PCSK5: variants seen among roughly 807,000 people sequenced by gnomAD.
PCSK5 encodes the protein proprotein convertase subtilisin/kexin type 5.
Under a neutral mutation model 233.2 loss-of-function variants are expected in PCSK5, and 129 were observed. The ratio of observed to expected loss-of-function variants is 0.55; its 90% CI spans 0.48 to 0.64. The LOEUF is 0.64. PCSK5 is among the 30% of genes least tolerant of loss of function. The probability of loss-of-function intolerance (pLI) is 0.00; values close to 1 mark genes in which losing one functional copy is unlikely to be tolerated. For synonymous variants in PCSK5, 825 were observed against 879.2 expected, an observed-to-expected ratio of 0.94 and a Z score of 1.09; for missense variants, 2,076 against 2,430.1, an observed-to-expected ratio of 0.85 and a Z score of 3.06.
intron 20 of PCSK5, among the ~76,000 whole-genome samples, chr9:76,209,234 CTTTCT>C (rs1395939597): frequency 2.6e-5 from 4 of 152,170 alleles, no homozygotes; most frequent in African/African-American, 7.2e-5. Context: ...ATGTACACAC[CTTTCT>C]TTTGAGTTAT....
chr9:76,061,056 A>C (rs1830011295), intron 5 of PCSK5, among the ~76,000 whole-genome samples: 1 of 152,194 alleles, frequency 6.6e-6, no homozygotes, highest in African/African-American at 2.4e-5. Context: ...AGAGCCATTC[A>C]GTGTTAGTAC....
In PCSK5 at chr9:76,157,207, G is replaced by C; in HGVS notation, c.1430+45G>C. The C allele has an allele frequency of 2.3e-6, 3 of 1,281,506 alleles. No individual in the cohort carries two copies. In the South Asian group the frequency reaches 3.6e-5, roughly 15 times the overall value. The allele number at this position is 1,281,506 out of a possible 1,614,324, so 79.4% of individuals were successfully genotyped here. ...AACAGCATGACAATGCCCCAAAATAGAGCAAGCCAGTCAATTGCTCAAGAC... is the reference window on the plus strand; with the variant it reads ...AACAGCATGACAATGCCCCAAAATACAGCAAGCCAGTCAATTGCTCAAGAC... On this transcript the variant is annotated intron_variant, in intron 11 of 37. Transcript: ENST00000674117.
At chr9:76,296,245 A>G (rs1226954434) in intron 26 of PCSK5, among the ~76,000 whole-genome samples, 2 of 152,192 alleles carry the variant, frequency 1.3e-5, no homozygotes, top group East Asian at 3.9e-4. Context: ...GATTACAAGC[A>G]TGAGCCACCT....
chr9:75,892,978 G>T (rs185016626), intron 1 of PCSK5, among the ~76,000 whole-genome samples: 2 of 152,302 alleles, frequency 1.3e-5, no homozygotes, highest in Admixed American at 6.5e-5. Flanking sequence ...CTAAAGGCTC[G>T]TTGGGATTCT....
chr9:75,892,948 A>C (rs1261646199), intron 1 of PCSK5, among the ~76,000 whole-genome samples: 1 of 152,142 alleles, frequency 6.6e-6, no homozygotes, highest in African/African-American at 2.4e-5. Context: ...AGTGACTGTT[A>C]TCTGCGGAAG....
At chr9:75,993,985 A>C (rs1277534447) in intron 3 of PCSK5, among the ~76,000 whole-genome samples, 2 of 152,216 alleles carry the variant, frequency 1.3e-5, no homozygotes, top group Non-Finnish European at 2.9e-5. Flanking sequence ...TAAATGGTTT[A>C]GGTGCAGTGA....
intron 24 of PCSK5, among the ~76,000 whole-genome samples, chr9:76,246,573 A>G (rs947416929): frequency 2.0e-5 from 3 of 152,178 alleles, no homozygotes; most frequent in Non-Finnish European, 2.9e-5. Flanking sequence ...CACCCCTTCT[A>G]GGAATTTACC....
Position 76,134,210 on chromosome 9 carries a change from A to G in PCSK5, c.1310A>G (p.Lys437Arg). Residue 437 changes from lysine (K) to arginine (R), a missense_variant and splice_region_variant, in exon 10 of 38, where the codon AAG becomes AGG. Coordinates refer to ENST00000674117, the MANE Select transcript of PCSK5 (RefSeq NM_001372043.1). ...NDWKTNAAGF[K>R]VSHLYGFGLM... Reference sequence around the variant, plus strand: ...TGGAAAACCAATGCTGCTGGTTTTAAGGGTGAGAACTTCTTTCATATTCTG... The same window carrying G: ...TGGAAAACCAATGCTGCTGGTTTTAGGGGTGAGAACTTCTTTCATATTCTG... 2 of 1,576,066 alleles carry G rather than the reference A, an allele frequency of 1.3e-6. No individual in the cohort carries two copies. The highest frequency in any genetic ancestry group is 1.1e-5 in the South Asian group (1 of 87,110).
At chr9:75,995,266 A>G (rs1826962506) in intron 3 of PCSK5, among the ~76,000 whole-genome samples, 1 of 152,170 alleles carries the variant, frequency 6.6e-6, no homozygotes, top group Admixed American at 6.5e-5. Context: ...GATACATTCC[A>G]TGGAGGAAGA....
chr9:76,145,801 A>C (rs1403098110), intron 10 of PCSK5, among the ~76,000 whole-genome samples: 1 of 152,218 alleles, frequency 6.6e-6, no homozygotes, highest in Non-Finnish European at 1.5e-5. Context: ...TTTACTAAAG[A>C]TGGCTTAGCC....
chr9:76,346,464 G>A (rs1483923237), intron 35 of PCSK5, among the ~76,000 whole-genome samples: 1 of 152,156 alleles, frequency 6.6e-6, no homozygotes, highest in Non-Finnish European at 1.5e-5. Flanking sequence ...GCTGTCCTGA[G>A]TGTTTGTACT....
chr9:76,004,722 A>C (rs1373331550), intron 3 of PCSK5, among the ~76,000 whole-genome samples: 2 of 152,138 alleles, frequency 1.3e-5, no homozygotes, highest in Admixed American at 1.3e-4. Flanking sequence ...TGGTTCTGAA[A>C]TTGGCCCTAG....
intron 10 of PCSK5, among the ~76,000 whole-genome samples, chr9:76,154,519 T>C (rs1443881822): frequency 6.6e-6 from 1 of 152,258 alleles, no homozygotes; most frequent in East Asian, 1.9e-4. Context: ...GGTATTGCAG[T>C]GACAGCTCAA....
intron 5 of PCSK5, among the ~76,000 whole-genome samples, chr9:76,040,371 C>CTCTCTCTCTCTCTG (rs1563988585): frequency 1.6e-5 from 1 of 62,342 alleles, no homozygotes; most frequent in Non-Finnish European, 3.0e-5. Context: ...CTCTCTCTCT[C>CTCTCTCTCTCTCTG]TCTCTCTCTC....
chr9:76,189,757 C>G lies in PCSK5; in HGVS notation c.2626+11C>G. 1 of 1,304,650 alleles carries G rather than the reference C, an allele frequency of 7.7e-7. No individual in the cohort carries two copies. Among genetic ancestry groups the G allele is most frequent in the Non-Finnish European group, 1.1e-6 (1 of 902,380 alleles). 80.8% of individuals were successfully genotyped at this position (1,304,650 alleles called of 1,614,324 possible). A position where few individuals can be genotyped will look rare whatever the true frequency, so the allele number is the denominator to read the frequency against. On this transcript the variant is annotated intron_variant, in intron 20 of 37. Coordinates refer to ENST00000674117, the MANE Select transcript of PCSK5 (RefSeq NM_001372043.1). The stretch of plus-strand genomic sequence containing the variant: ...CCATTTGCAAGGATGGTGAGTACAA[C>G]TGCCCATATCGATCTTATGAAGCAA...
chr9:75,904,705 G>A (rs1214523229), intron 1 of PCSK5, among the ~76,000 whole-genome samples: 4 of 152,202 alleles, frequency 2.6e-5, no homozygotes, highest in African/African-American at 4.8e-5. Flanking sequence ...TAATGGGAAT[G>A]TAAAGCTGTG....
chr9:76,292,691 T>C (rs1345233804), intron 25 of PCSK5, among the ~76,000 whole-genome samples: 1 of 152,102 alleles, frequency 6.6e-6, no homozygotes, highest in African/African-American at 2.4e-5. Flanking sequence ...ATCCCCTAGG[T>C]AACAAGAGAC....
chr9:76,069,138 C>T (rs750113847), intron 6 of PCSK5, among the ~76,000 whole-genome samples: 1 of 151,926 alleles, frequency 6.6e-6, no homozygotes, highest in Non-Finnish European at 1.5e-5. Flanking sequence ...AATTAATTAG[C>T]GGGGAGCATC....
At chr9:76,248,685 A>T (rs1826696766) in intron 24 of PCSK5, among the ~76,000 whole-genome samples, 1 of 152,254 alleles carries the variant, frequency 6.6e-6, no homozygotes, top group African/African-American at 2.4e-5. Context: ...AACTTAAACA[A>T]GTTATTATAC....
Sources: allele counts gnomAD v4.1 joint callset (sites outside exome capture counted in the v4.1 genomes callset), GRCh38; gene constraint gnomAD v4.1.1; transcripts MANE v1.5; gene names NCBI Gene and HGNC (gene_info 2026-07-23, HGNC 2026-07-21).